Variants in NOC3L observed in about 807,000 individuals in gnomAD.
The protein encoded by NOC3L is nucleolar complex protein 3 homolog.
Under a neutral mutation model 102.5 loss-of-function variants are expected in NOC3L, and 85 were observed. That is an observed-to-expected ratio of 0.83 (90% CI 0.70 to 0.99). The LOEUF (loss-of-function observed/expected upper bound fraction) is 0.99, where lower values mean the gene tolerates loss of function less well. Among genes scored for constraint, NOC3L ranks in the 50% least tolerant of loss-of-function variants. The pLI is 0.00. For synonymous variants in NOC3L, 303 were observed against 309.4 expected (o/e 0.98, Z 0.22); for missense variants, 878 against 914.9 (o/e 0.96, Z 0.52).
chr10:94,361,427 T>C, intron 2 of NOC3L: 1 of 494,588 alleles, frequency 2.0e-6, no homozygotes, highest in South Asian at 3.2e-5. Flanking sequence ...TCTTCAGATC[T>C]GCCTTCCAGA....
chr10:94,315,769 CAAA>C, the NOC3L span, among the ~76,000 whole-genome samples: 2,465 of 122,764 alleles, frequency 0.02, 50 homozygotes, highest in African/African-American at 0.058. Flanking sequence ...GACTCTGTCT[CAAA>C]AAAAAAAAAA....
At chr10:94,317,140 A>G in the NOC3L span, among the ~76,000 whole-genome samples, 2 of 152,132 alleles carry the variant, frequency 1.3e-5, no homozygotes, top group East Asian at 3.9e-4. Flanking sequence ...AATCCCAGCT[A>G]CTCATGAGGG....
chr10:94,340,677 C>A (rs2054272217), intron 14 of NOC3L, among the ~76,000 whole-genome samples, 181 bp from the exon 15 acceptor site: 1 of 151,848 alleles, frequency 6.6e-6, no homozygotes, highest in Admixed American at 6.6e-5. Context: ...GCTTGGGCAA[C>A]ATGGCAAAAA....
At chr10:94,315,496 A>T in the NOC3L span, 2 of 455,902 alleles carry the variant, frequency 4.4e-6, no homozygotes, top group Admixed American at 2.4e-5. Flanking sequence ...ATACATTGGT[A>T]AAACTATAAT....
chr10:94,358,890 T>G (rs12249578), intron 2 of NOC3L, among the ~76,000 whole-genome samples: 4,017 of 152,206 alleles, frequency 0.026, 178 homozygotes, highest in African/African-American at 0.089. Context: ...TCCTCAACTA[T>G]TTTTCTTTCA....
At position 94,361,688 on chromosome 10, in the gene NOC3L, T is replaced by G; in HGVS notation, c.194A>C (p.Glu65Ala). 6.2e-7 allele frequency: 1 copy of G among 1,613,896 alleles called. No individual in the cohort carries two copies. The highest frequency in any genetic ancestry group is 1.1e-5 in the South Asian group (1 of 91,042). Residue 65 changes from glutamate to alanine, a missense_variant, in exon 2 of 21, where the codon GAG (glutamate) becomes GCG (alanine). Coordinates refer to ENST00000371361, the MANE Select transcript of NOC3L (RefSeq NM_022451.11). ...ACCTGGTCGCTTTTCCTTTGGGTTC[T>G]CCAATGGAATGGGTTTCTTAGACAC... ...DAVSKKPIPLENPKEKRPGKR... is the reference protein window; with the variant it reads ...DAVSKKPIPLANPKEKRPGKR...
rs767969594 is a variant in NOC3L at position 94,362,860 on chromosome 10, C to A, written c.-22G>T. 1.7e-5 allele frequency: 28 copies of A among 1,613,892 alleles called. No individual in the cohort carries two copies. Among genetic ancestry groups the A allele is most frequent in the Non-Finnish European group, 2.4e-5 (28 of 1,180,042 alleles). Reference sequence around the variant, plus strand: ...TCATCCTTAGGCCTTAAATGAATGCCGGCCAGACAAGTTCACCAGAAGCAG... The same window carrying A: ...TCATCCTTAGGCCTTAAATGAATGCAGGCCAGACAAGTTCACCAGAAGCAG... On this transcript the variant is annotated 5_prime_UTR_variant, in exon 1 of 21. Transcript: ENST00000371361.
At chr10:94,352,492 C>A (rs1018834724) in intron 7 of NOC3L, 89 bp from the exon 8 acceptor site, 2 of 824,584 alleles carry the variant, frequency 2.4e-6, no homozygotes, top group East Asian at 2.5e-5. Flanking sequence ...TAGTATACAC[C>A]CAGTACTATT....
At chr10:94,335,784 G>A (rs1306805631) in intron 19 of NOC3L, among the ~76,000 whole-genome samples, 1 of 152,084 alleles carries the variant, frequency 6.6e-6, no homozygotes, top group Non-Finnish European at 1.5e-5. Flanking sequence ...TGGCCCACAG[G>A]TCACCAAACT....
downstream of NOC3L, chr10:94,329,404 CACTTT>C (rs2054129368): frequency 6.6e-6 from 1 of 152,168 alleles, no homozygotes; most frequent in African/African-American, 2.4e-5. Context: ...TCCTAAACTT[CACTTT>C]GAGAAACTTT....
chr10:94,334,541 T>C lies in NOC3L; in HGVS notation c.2274+93A>G, dbSNP rs78960607. ...AAATCCTAAACATTAAAAAAAAAAC[T>C]ACCTATAAAATAATTAAGCAAACTG... On this transcript the variant is annotated intron_variant, in intron 20 of 20. Transcript: ENST00000371361. 7.9e-6 allele frequency: 7 copies of C among 881,076 alleles called. No homozygotes were observed. In the East Asian group the frequency reaches 1.0e-4, roughly 13 times the overall value. 54.6% of individuals were successfully genotyped at this position (881,076 alleles called of 1,614,324 possible). A position where few individuals can be genotyped will look rare whatever the true frequency, so the allele number is the denominator to read the frequency against.
chr10:94,350,775 G>A (rs1180980689), intron 8 of NOC3L, among the ~76,000 whole-genome samples: 1 of 151,028 alleles, frequency 6.6e-6, no homozygotes, highest in Admixed American at 6.6e-5. Context: ...GATCTGCTCA[G>A]GAAAGGTCCA....
intron 19 of NOC3L, 112 bp downstream of exon 19, chr10:94,337,665 C>G: frequency 3.1e-6 from 2 of 635,080 alleles, no homozygotes; most frequent in Non-Finnish European, 5.5e-6. Flanking sequence ...ATCCAGATAC[C>G]CAACTGGCAC....
chr10:94,350,111 A>G lies in NOC3L; in HGVS notation c.1128+2T>C. Reference sequence around the variant, plus strand: ...CAGCAATAACCATTTACAGCAACTCACCAATTTTGACATGTCATTCATGAG... The same window carrying G: ...CAGCAATAACCATTTACAGCAACTCGCCAATTTTGACATGTCATTCATGAG... On this transcript the variant is annotated splice_donor_variant, in intron 9 of 20. Coordinates refer to ENST00000371361, the MANE Select transcript of NOC3L (RefSeq NM_022451.11). LOFTEE classifies it high-confidence loss of function. 1 of 1,613,852 alleles carries G rather than the reference A, an allele frequency of 6.2e-7. No individual in the cohort carries two copies.
chr10:94,354,994 G>A lies in NOC3L; in HGVS notation c.665C>T (p.Ala222Val). The change falls in exon 6 of 21, where the codon GCA (alanine) becomes GTA (valine). Residue 222 changes from alanine (A) to valine (V), a missense_variant. Transcript: ENST00000371361. ...TTCTGGATCTGATAATATGGCAGAT[G>A]CCAAGGCTGCAATATGCATCTTCTT... ...QEKKMHIAAL[A>V]SAILSDPENN... 6.2e-7 allele frequency: 1 copy of A among 1,613,160 alleles called. No individual in the cohort carries two copies. The highest frequency in any genetic ancestry group is 1.1e-5 in the South Asian group (1 of 91,034).
the NOC3L span, chr10:94,324,326 G>C: frequency 2.5e-5 from 39 of 1,573,804 alleles, no homozygotes; most frequent in East Asian, 7.6e-4. Context: ...TCTTTATTCA[G>C]TTGATCATAA....
At chr10:94,316,832 G>A in the NOC3L span, 1 of 1,078,392 alleles carries the variant, frequency 9.3e-7, no homozygotes, top group Non-Finnish European at 1.4e-6. Flanking sequence ...CAACCTCCCT[G>A]AAATTCAGAA....
intron 16 of NOC3L, 99 bp downstream of exon 16, chr10:94,340,177 T>C (rs1394169124): frequency 2.9e-6 from 3 of 1,018,704 alleles, no homozygotes; most frequent in Non-Finnish European, 4.3e-6. Flanking sequence ...CACCATTTTA[T>C]GTACCTGTTC....
At chr10:94,331,062 G>A (rs551848496), downstream of NOC3L, 1 of 152,304 alleles carries the variant, frequency 6.6e-6, no homozygotes, top group South Asian at 2.1e-4. Context: ...TCCTATCTGG[G>A]TAGAAAGTGC....
Sources: allele counts gnomAD v4.1 joint callset (sites outside exome capture counted in the v4.1 genomes callset), GRCh38; gene constraint gnomAD v4.1.1; transcripts MANE v1.5; gene names NCBI Gene and HGNC (gene_info 2026-07-23, HGNC 2026-07-21).